Variants in FAM227A observed in about 807,000 individuals in gnomAD.
FAM227A encodes protein FAM227A.
In FAM227A, 80 loss-of-function variants were observed where a neutral mutation model predicts 74.7. The ratio of observed to expected loss-of-function variants is 1.07; its 90% CI spans 0.89 to 1.29. FAM227A has a LOEUF of 1.29. Ranked by LOEUF, FAM227A falls within the 50% of genes most tolerant of loss-of-function variation. FAM227A has a pLI of 0.00. For missense variants in FAM227A, 654 were observed against 683.4 expected (o/e 0.96, Z 0.48); for synonymous variants, 237 against 241.8 (o/e 0.98, Z 0.19).
chr22:38,596,199 T>TA (rs1248678064), intron 15 of FAM227A, among the ~76,000 whole-genome samples: 1 of 152,122 alleles, frequency 6.6e-6, no homozygotes, highest in Admixed American at 6.6e-5. Flanking sequence ...TGCACACCTA[T>TA]AGTCCCAGCT....
chr22:38,649,801 G>C (rs2092296839), intron 2 of FAM227A: 1 of 394,078 alleles, frequency 2.5e-6, no homozygotes, highest in Admixed American at 4.3e-5. Flanking sequence ...CTGGGAGGTA[G>C]AGGTTGCAGT....
At chr22:38,602,049 A>G (rs2091190208) in intron 13 of FAM227A, among the ~76,000 whole-genome samples, 1 of 152,226 alleles carries the variant, frequency 6.6e-6, no homozygotes, top group Admixed American at 6.5e-5. Context: ...AGAAGCAGTT[A>G]TACCTTAATG....
At chr22:38,627,946 C>T (rs950684498) in intron 8 of FAM227A, among the ~76,000 whole-genome samples, 7 of 151,922 alleles carry the variant, frequency 4.6e-5, no homozygotes, top group African/African-American at 1.7e-4. Flanking sequence ...ATAAGCATTG[C>T]TAAGAGTTTG....
intron 15 of FAM227A, among the ~76,000 whole-genome samples, chr22:38,592,130 A>G (rs1015132184): frequency 6.6e-6 from 1 of 151,810 alleles, no homozygotes; most frequent in Non-Finnish European, 1.5e-5. Context: ...TTGTATTTTC[A>G]GTAGAGACGG....
chr22:38,650,028 G>A lies in FAM227A; in HGVS notation c.141C>T (p.Pro47=). ...TVRKELENNP[P]SCLIGSMHQV... ...TAGGTGACATCACCAGAAGGATACA[G>A]GGTGGATTGTTCTCTAACTCCTTCC... is the stretch of plus-strand genomic sequence containing the variant. Residue 47 remains proline, a splice_region_variant and synonymous_variant, in exon 2 of 17, where the codon CCC becomes CCT. Transcript: ENST00000535113. 6.4e-7 allele frequency: 1 copy of A among 1,552,208 alleles called. No individual in the cohort carries two copies. Among genetic ancestry groups the A allele is most frequent in the South Asian group, 1.2e-5 (1 of 84,032 alleles).
intron 13 of FAM227A, among the ~76,000 whole-genome samples, chr22:38,602,259 C>A (rs1408752527): frequency 6.6e-6 from 1 of 152,202 alleles, no homozygotes; most frequent in South Asian, 2.1e-4. Flanking sequence ...CTCCTGTGCA[C>A]TGTAGGATGC....
At chr22:38,617,292 CT>C (rs35990617) in intron 11 of FAM227A, among the ~76,000 whole-genome samples, 31,298 of 116,090 alleles carry the variant, frequency 0.27, 2,775 homozygotes, top group East Asian at 0.35. Flanking sequence ...TGAGAACAGA[CT>C]TTTTTTTTTT....
rs555391280 is a variant in FAM227A, at chr22:38,601,497, T to C, written c.1222-1576A>G. Among the ~76,000 whole-genome samples, 91 of 152,246 alleles carry C rather than the reference T, an allele frequency of 6.0e-4. 1 individual carries two copies. The Middle Eastern group carries it at 0.01, about 17-fold the overall frequency. Reference sequence around the variant, plus strand: ...CTGTGGTCATGGTGAGGAGCTGGGATATTTTTCTAAGGGTCATGGAAGCCA... The same window carrying C: ...CTGTGGTCATGGTGAGGAGCTGGGACATTTTTCTAAGGGTCATGGAAGCCA... On this transcript the variant is annotated intron_variant, in intron 13 of 16. Transcript: ENST00000535113.
At chr22:38,648,434 C>T (rs1234703142) in intron 2 of FAM227A, among the ~76,000 whole-genome samples, 1 of 151,180 alleles carries the variant, frequency 6.6e-6, no homozygotes, top group African/African-American at 2.4e-5. Flanking sequence ...ATGGAGAAAC[C>T]CTGTCTCTTC....
At chr22:38,653,975 C>T (rs993156722) in intron 1 of FAM227A, 2 of 152,164 alleles carry the variant, frequency 1.3e-5, no homozygotes, top group African/African-American at 4.8e-5. Flanking sequence ...AAGGGAACAA[C>T]ACTGTAAGAT....
chr22:38,634,459 C>G (rs1603030193), intron 6 of FAM227A, among the ~76,000 whole-genome samples: 1 of 152,138 alleles, frequency 6.6e-6, no homozygotes, highest in Non-Finnish European at 1.5e-5. Context: ...CTACCGTTTT[C>G]TTAGAATTTA....
At chr22:38,643,144 G>T (rs1215753797) in intron 3 of FAM227A, among the ~76,000 whole-genome samples, 1 of 151,800 alleles carries the variant, frequency 6.6e-6, no homozygotes, top group Admixed American at 6.6e-5. Flanking sequence ...GTGAAACCCA[G>T]TCTCTACTAA....
At chr22:38,615,286 G>T (rs1219909720) in intron 11 of FAM227A, among the ~76,000 whole-genome samples, 1 of 152,224 alleles carries the variant, frequency 6.6e-6, no homozygotes, top group Admixed American at 6.5e-5. Context: ...GCCTCCCAAA[G>T]TGCTGAAGAT....
chr22:38,649,879 A>G (rs1161443621), intron 2 of FAM227A, 148 bp downstream of exon 2: 1 of 676,982 alleles, frequency 1.5e-6, no homozygotes, highest in Admixed American at 3.5e-5. Context: ...AAAAAAAAAA[A>G]GAAAGAAAAG....
chr22:38,625,646 C>T (rs2091781540), intron 9 of FAM227A, among the ~76,000 whole-genome samples: 1 of 151,752 alleles, frequency 6.6e-6, no homozygotes, highest in South Asian at 2.1e-4. Flanking sequence ...TGTAGCTGAA[C>T]ACAAAAAGGG....
chr22:38,598,350 T>A (rs2091095492), intron 14 of FAM227A, among the ~76,000 whole-genome samples: 1 of 152,206 alleles, frequency 6.6e-6, no homozygotes, highest in Admixed American at 6.5e-5. Context: ...GATATTGAGC[T>A]TGGAGGTCGA....
rs2090696799 is a variant in FAM227A at position 38,580,386 on chromosome 22, C to T, written c.*5739G>A. The T allele has an allele frequency of 6.6e-6, 1 of 152,146 alleles. No homozygotes were observed. Among genetic ancestry groups the T allele is most frequent in the Admixed American group, 6.6e-5 (1 of 15,260 alleles). The allele number at this position is 152,146 out of a possible 1,614,324, so 9.4% of individuals were successfully genotyped here. ...TCATTTACCATTTGCCATGATGTCC[C>T]CATCCTCTGTATTTCCTGTTATGGT... On this transcript the variant is annotated 3_prime_UTR_variant, in exon 17 of 17. Transcript: ENST00000535113.
At chr22:38,644,726 G>A (rs2092196084) in intron 3 of FAM227A, among the ~76,000 whole-genome samples, 2 of 152,182 alleles carry the variant, frequency 1.3e-5, no homozygotes, top group Non-Finnish European at 2.9e-5. Context: ...GCATGCGCAG[G>A]AGCAGAGGGT....
chr22:38,617,292 CTTTTTTT>C (rs35990617), intron 11 of FAM227A, among the ~76,000 whole-genome samples: 1 of 116,156 alleles, frequency 8.6e-6, no homozygotes, highest in African/African-American at 3.4e-5. Context: ...TGAGAACAGA[CTTTTTTT>C]TTTTTTTTTT....
Sources: allele counts gnomAD v4.1 joint callset (sites outside exome capture counted in the v4.1 genomes callset), GRCh38; gene constraint gnomAD v4.1.1; transcripts MANE v1.5; gene names NCBI Gene and HGNC (gene_info 2026-07-23, HGNC 2026-07-21).